The following SMAD5 variants were observed in gnomAD, a reference collection of about 807,000 sequenced individuals.
The protein encoded by SMAD5 is SMAD family member 5.
A neutral mutation model predicts 43.1 loss-of-function variants in SMAD5; 9 were observed. That is an observed-to-expected ratio of 0.21 (90% confidence interval 0.13 to 0.36). SMAD5 has a LOEUF of 0.36. SMAD5 is among the 10% of genes least tolerant of loss of function. The pLI is 1.00. For synonymous variants in SMAD5, 190 were observed against 192.4 expected (o/e 0.99, Z 0.10); for missense variants, 348 against 574.0 (o/e 0.61, Z 4.02).
intron 3 of SMAD5, among the ~76,000 whole-genome samples, chr5:136,156,313 G>A (rs1753633839): frequency 6.6e-6 from 1 of 152,168 alleles, no homozygotes. Flanking sequence ...TTAGAAGGAA[G>A]TGATAGGTCA....
chr5:136,161,152 G>A, intron 4 of SMAD5, 45 bp downstream of exon 4: 5 of 1,568,430 alleles, frequency 3.2e-6, no homozygotes, highest in Non-Finnish European at 4.4e-6. Context: ...AAATTCCTAA[G>A]AATCACAGTT....
intron 1 of SMAD5, among the ~76,000 whole-genome samples, chr5:136,143,126 T>C (rs570627475): frequency 6.6e-6 from 1 of 152,258 alleles, no homozygotes; most frequent in African/African-American, 2.4e-5. Flanking sequence ...TGTTTCCTTA[T>C]GTCCCTCCAC....
At chr5:136,139,105 C>T (rs975645260) in intron 1 of SMAD5, among the ~76,000 whole-genome samples, 13 of 149,698 alleles carry the variant, frequency 8.7e-5, no homozygotes, top group Admixed American at 8.0e-4. Context: ...TGTGAATTCA[C>T]TTTAGAAATC....
At chr5:136,173,689 C>T (rs1754303472) in intron 6 of SMAD5, among the ~76,000 whole-genome samples, 1 of 151,704 alleles carries the variant, frequency 6.6e-6, no homozygotes, top group Non-Finnish European at 1.5e-5. Context: ...AGGACCTTTT[C>T]TTTCATGGGT....
intron 1 of SMAD5, among the ~76,000 whole-genome samples, chr5:136,143,685 G>C (rs1753168778): frequency 6.6e-6 from 1 of 151,790 alleles, no homozygotes; most frequent in African/African-American, 2.4e-5. Context: ...CTCGTATTCA[G>C]TATTTTGGTA....
Position 136,172,532 on chromosome 5 carries a change from A to G in SMAD5, c.874A>G (p.Thr292Ala), listed in dbSNP as rs1754264712. The G allele has an allele frequency of 1.2e-6, 2 of 1,611,322 alleles. No individual in the cohort carries two copies. The highest frequency in any genetic ancestry group is 1.7e-6 in the Non-Finnish European group (2 of 1,177,498). The change falls in exon 6 of 8, where the codon ACT (threonine) becomes GCT (alanine). Residue 292 changes from threonine to alanine, a missense_variant. Physicochemically the swap from Thr to Ala is moderately conservative, Grantham distance 58. This residue lies in a region of SMAD5 where 185 missense variants were observed against 207.0 expected (regional missense o/e 0.89). Transcript: ENST00000545279. ...TGGAGAAGCTTTTCATGCATCTTCT[A>G]CTAGTGTGTTAGTAGATGGATTCAC... Reference protein sequence around the residue: ...RVGEAFHASSTSVLVDGFTDP... With the variant: ...RVGEAFHASSASVLVDGFTDP...
chr5:136,167,544 G>A (rs1476427272), intron 5 of SMAD5, among the ~76,000 whole-genome samples: 2 of 151,988 alleles, frequency 1.3e-5, no homozygotes, highest in African/African-American at 2.4e-5. Context: ...TTGGGAGGCC[G>A]AGGCAGGCAG....
chr5:136,161,685 T>G (rs557653075), intron 4 of SMAD5, among the ~76,000 whole-genome samples: 1 of 152,308 alleles, frequency 6.6e-6, no homozygotes, highest in East Asian at 1.9e-4. Context: ...ATAAGTAGAT[T>G]TTGTAAAGTT....
chr5:136,161,739 G>C (rs964545611), intron 4 of SMAD5, among the ~76,000 whole-genome samples: 1 of 152,206 alleles, frequency 6.6e-6, no homozygotes, highest in African/African-American at 2.4e-5. Flanking sequence ...ATGTCAGTAT[G>C]TCACTGTCAA....
intron 4 of SMAD5, among the ~76,000 whole-genome samples, chr5:136,161,448 T>C (rs2149773491): frequency 6.6e-6 from 1 of 152,316 alleles, no homozygotes; most frequent in East Asian, 1.9e-4. Flanking sequence ...GATATTCCTG[T>C]TTTACAGATG....
intron 1 of SMAD5, among the ~76,000 whole-genome samples, chr5:136,145,321 C>T (rs1331541138): frequency 6.6e-6 from 1 of 151,796 alleles, no homozygotes; most frequent in Non-Finnish European, 1.5e-5. Context: ...AAAATATTTT[C>T]TTAGTTGTTG....
chr5:136,141,117 TA>T (rs1753065904), intron 1 of SMAD5, among the ~76,000 whole-genome samples: 1 of 152,092 alleles, frequency 6.6e-6, no homozygotes, highest in African/African-American at 2.4e-5. Flanking sequence ...AGCTGAGACT[TA>T]AATAACGATA....
Position 136,172,656 on chromosome 5 carries a change from G to C in SMAD5, c.997+1G>C. 6.4e-7 allele frequency: 1 copy of C among 1,565,458 alleles called. No individual in the cohort carries two copies. Among genetic ancestry groups the C allele is most frequent in the Non-Finnish European group, 8.8e-7 (1 of 1,135,810 alleles). On this transcript the variant is annotated splice_donor_variant, in intron 6 of 7. Coordinates refer to ENST00000545279, the MANE Select transcript of SMAD5 (RefSeq NM_005903.7). LOFTEE classifies it high-confidence loss of function. ...AACACTAGGCGACATATTGGAAAAG[G>C]TAATCTTGTCATTTTCCTACATTTA...
chr5:136,170,942 T>C (rs1398311004), intron 5 of SMAD5, among the ~76,000 whole-genome samples: 2 of 152,204 alleles, frequency 1.3e-5, no homozygotes, highest in Non-Finnish European at 2.9e-5. Context: ...GCTATAATGC[T>C]TACTAGTTCC....
chr5:136,141,799 T>C (rs1040622517), intron 1 of SMAD5, among the ~76,000 whole-genome samples: 5 of 152,204 alleles, frequency 3.3e-5, no homozygotes, highest in African/African-American at 1.2e-4. Context: ...AGTTTCTGAT[T>C]TGATTTTTCT....
At chr5:136,161,201 C>A in intron 4 of SMAD5, 94 bp downstream of exon 4, 1 of 1,078,210 alleles carries the variant, frequency 9.3e-7, no homozygotes, top group Non-Finnish European at 1.3e-6. Context: ...TGTTACATGC[C>A]AAGGTATAAT....
Position 136,178,920 on chromosome 5 carries a change from G to A in SMAD5, c.*1440G>A, listed in dbSNP as rs1040810393. Reference sequence around the variant, plus strand: ...ATACAAAAATTAGCTGGGCATGGTGGTGCGTGCCTGAAGTCCCAGCTACTC... The same window carrying A: ...ATACAAAAATTAGCTGGGCATGGTGATGCGTGCCTGAAGTCCCAGCTACTC... On this transcript the variant is annotated 3_prime_UTR_variant, in exon 8 of 8. Coordinates refer to ENST00000545279, the MANE Select transcript of SMAD5 (RefSeq NM_005903.7). The A allele has an allele frequency of 2.0e-5, 3 of 152,400 alleles. No homozygotes were observed. The highest frequency in any genetic ancestry group is 1.9e-4 in the East Asian group (1 of 5,198). The allele number at this position is 152,400 out of a possible 1,614,324, so 9.4% of individuals were successfully genotyped here.
intron 1 of SMAD5, among the ~76,000 whole-genome samples, chr5:136,138,689 GC>G (rs1022597024): frequency 1.3e-5 from 2 of 151,896 alleles, no homozygotes; most frequent in African/African-American, 2.4e-5. Context: ...CATCCCCCCT[GC>G]CCCCAAAAGT....
chr5:136,153,888 A>T lies in SMAD5; in HGVS notation c.128A>T (p.Lys43Ile). Residue 43 changes from lysine (K) to isoleucine (I), a missense_variant, in exon 3 of 8, where the codon AAA becomes ATA. This residue lies in a region of SMAD5 where 39 missense variants were observed against 78.5 expected (regional missense o/e 0.50). Coordinates refer to ENST00000545279, the MANE Select transcript of SMAD5 (RefSeq NM_005903.7). ...KAVDALVKKL[K>I]KKKGAMEELE... ...GTTGATGCTTTGGTGAAGAAACTAA[A>T]AAAGAAAAAGGGTGCCATGGAGGAA... 6.2e-7 allele frequency: 1 copy of T among 1,614,040 alleles called. No homozygotes were observed. The highest frequency in any genetic ancestry group is 8.5e-7 in the Non-Finnish European group (1 of 1,179,934).
Sources: allele counts gnomAD v4.1 joint callset (sites outside exome capture counted in the v4.1 genomes callset), GRCh38; gene constraint gnomAD v4.1.1; regional missense constraint gnomAD v4.1.1; transcripts MANE v1.5; gene names NCBI Gene and HGNC (gene_info 2026-07-23, HGNC 2026-07-21).